RGS6: variants seen among roughly 807,000 people sequenced by gnomAD.
RGS6 encodes regulator of G-protein signaling 6.
In RGS6, 30 loss-of-function variants were observed where a neutral mutation model predicts 78.5. The ratio of observed to expected loss-of-function variants is 0.38; its 90% CI spans 0.29 to 0.52. The LOEUF is 0.52. RGS6 is among the 20% of genes least tolerant of loss of function. RGS6 has a pLI of 0.85. For missense variants in RGS6, 495 were observed against 609.7 expected (o/e 0.81, Z 1.98); for synonymous variants, 206 against 206.0 (o/e 1.00, Z 0.00).
intron 2 of RGS6, among the ~76,000 whole-genome samples, chr14:72,134,767 C>T (rs1239590886): frequency 1.3e-5 from 2 of 152,150 alleles, no homozygotes; most frequent in African/African-American, 4.8e-5. Context: ...GTAACTAACT[C>T]CCAAGAACCA....
chr14:72,414,783 A>C (rs1412557660), intron 3 of RGS6, among the ~76,000 whole-genome samples: 1 of 152,176 alleles, frequency 6.6e-6, no homozygotes, highest in Non-Finnish European at 1.5e-5. Context: ...CAGGACCCTC[A>C]GCTGCAGGTC....
chr14:72,502,543 A>T (rs1216398608), intron 13 of RGS6, among the ~76,000 whole-genome samples: 1 of 152,212 alleles, frequency 6.6e-6, no homozygotes, highest in Non-Finnish European at 1.5e-5. Flanking sequence ...AGGCAAGCGG[A>T]TCACGAGGTC....
intron 2 of RGS6, among the ~76,000 whole-genome samples, chr14:71,971,095 T>C (rs1182077412): frequency 1.3e-5 from 2 of 152,108 alleles, no homozygotes; most frequent in Non-Finnish European, 2.9e-5. Context: ...ACAGATGGAT[T>C]AGGGCCAGAT....
intron 2 of RGS6, among the ~76,000 whole-genome samples, chr14:72,176,837 A>G (rs2097110981): frequency 2.0e-5 from 3 of 152,182 alleles, no homozygotes; most frequent in African/African-American, 4.8e-5. Flanking sequence ...TCGCCCATGT[A>G]ATGTTCACTT....
At chr14:72,500,651 T>C (rs1232720501) in intron 13 of RGS6, among the ~76,000 whole-genome samples, 3 of 152,308 alleles carry the variant, frequency 2.0e-5, no homozygotes, top group African/African-American at 4.8e-5. Flanking sequence ...ATTAAGCCAC[T>C]TGGGGCAGAA....
chr14:72,279,438 A>C (rs2061229422), intron 2 of RGS6, among the ~76,000 whole-genome samples: 1 of 152,108 alleles, frequency 6.6e-6, no homozygotes, highest in Non-Finnish European at 1.5e-5. Context: ...CACACACCCA[A>C]TCCACTGTGG....
In RGS6 at chr14:72,446,688, A is replaced by G. The variant is rs150462021; in HGVS notation, c.185-7840A>G. Among the ~76,000 whole-genome samples the G allele has an allele frequency of 2.2e-4, 34 of 152,360 alleles. No homozygotes were observed. In the East Asian group the frequency reaches 6.0e-3, roughly 27 times the overall value. On this transcript the variant is annotated intron_variant, in intron 3 of 17. Coordinates refer to ENST00000553525, the MANE Select transcript of RGS6 (RefSeq NM_001204424.2). ...GGAAATAATTATACAACTCACCACA[A>G]TGTAGAATTAGTGGGAGCCCTGAGC...
chr14:71,914,334 A>G, the RGS6 span, among the ~76,000 whole-genome samples: 1 of 152,172 alleles, frequency 6.6e-6, no homozygotes, highest in Non-Finnish European at 1.5e-5. Flanking sequence ...AGTGGAAATG[A>G]GGTTGCTTTG....
chr14:72,459,140 G>A (rs972738870), intron 5 of RGS6, among the ~76,000 whole-genome samples: 4 of 152,112 alleles, frequency 2.6e-5, no homozygotes, highest in South Asian at 2.1e-4. Context: ...TTGCCTTCTC[G>A]GAGTGAAGTT....
chr14:72,170,296 G>A (rs1264446640), intron 2 of RGS6, among the ~76,000 whole-genome samples: 3 of 152,196 alleles, frequency 2.0e-5, no homozygotes, highest in African/African-American at 7.2e-5. Context: ...TGGTATTGGT[G>A]AAGCCTAGTG....
chr14:72,399,357 C>T (rs2152990222), intron 3 of RGS6, among the ~76,000 whole-genome samples: 1 of 152,122 alleles, frequency 6.6e-6, no homozygotes, highest in South Asian at 2.1e-4. Context: ...ATTGCAACCC[C>T]TGCCTTTTTT....
chr14:72,402,265 C>G (rs1273415518), intron 3 of RGS6, among the ~76,000 whole-genome samples: 1 of 152,186 alleles, frequency 6.6e-6, no homozygotes, highest in Non-Finnish European at 1.5e-5. Flanking sequence ...AGATATCCAG[C>G]AGTAAGGGCA....
chr14:72,399,517 T>C (rs1278958131), intron 3 of RGS6, among the ~76,000 whole-genome samples: 1 of 152,158 alleles, frequency 6.6e-6, no homozygotes, highest in Non-Finnish European at 1.5e-5. Flanking sequence ...ATTAGAGCAT[T>C]TGGCCCATTT....
intron 2 of RGS6, among the ~76,000 whole-genome samples, chr14:72,165,568 CA>C (rs2096913833): frequency 6.6e-6 from 1 of 152,188 alleles, no homozygotes; most frequent in African/African-American, 2.4e-5. Flanking sequence ...TTTATTCTGG[CA>C]AAATACACTG....
At chr14:72,450,830 G>T (rs1194965121) in intron 3 of RGS6, among the ~76,000 whole-genome samples, 1 of 152,178 alleles carries the variant, frequency 6.6e-6, no homozygotes, top group African/African-American at 2.4e-5. Flanking sequence ...GAATGGAAAT[G>T]CTTTCTCCTG....
intron 4 of RGS6, 152 bp downstream of exon 4, chr14:72,454,730 AT>A (rs2095586140): frequency 3.4e-6 from 2 of 594,660 alleles, no homozygotes; most frequent in Non-Finnish European, 5.8e-6. Context: ...AATAAAATTA[AT>A]TTATTTTCTC....
At chr14:72,489,268 G>A (rs772787796) in intron 12 of RGS6, among the ~76,000 whole-genome samples, 69 of 152,094 alleles carry the variant, frequency 4.5e-4, no homozygotes, top group Non-Finnish European at 7.6e-4. Flanking sequence ...ATCCTCTGGG[G>A]CACCTCAGTA....
intron 2 of RGS6, among the ~76,000 whole-genome samples, chr14:72,079,026 G>C (rs2094705966): frequency 6.6e-6 from 1 of 151,898 alleles, no homozygotes; most frequent in South Asian, 2.1e-4. Context: ...ATTTTTAACA[G>C]TCATATATCA....
chr14:71,888,169 G>A, the RGS6 span, among the ~76,000 whole-genome samples: 3 of 152,158 alleles, frequency 2.0e-5, no homozygotes, highest in Non-Finnish European at 4.4e-5. Context: ...CTTGAAACTG[G>A]AAGGTGAAGG....
Sources: gnomAD v4.1 joint callset for allele counts (sites outside exome capture counted in the v4.1 genomes callset) on GRCh38, gnomAD v4.1.1 for gene constraint, MANE v1.5 for transcripts, NCBI Gene and HGNC (gene_info 2026-07-23, HGNC 2026-07-21) for gene names.